Variants in KCNIP1 observed in about 807,000 individuals in gnomAD.
KCNIP1 encodes potassium voltage-gated channel interacting protein 1.
In KCNIP1, 18 loss-of-function variants were observed where a neutral mutation model predicts 33.0. That is an observed-to-expected ratio of 0.55 (90% confidence interval 0.38 to 0.81). The LOEUF is 0.81. KCNIP1 is among the 30% of genes least tolerant of loss of function. The pLI is 0.00. For missense variants in KCNIP1, 238 were observed against 271.6 expected (o/e 0.88, Z 0.87); for synonymous variants, 93 against 98.3 (o/e 0.95, Z 0.32).
intron 1 of KCNIP1, among the ~76,000 whole-genome samples, chr5:170,480,336 C>G (rs1756949874): frequency 6.6e-6 from 1 of 152,002 alleles, no homozygotes; most frequent in African/African-American, 2.4e-5. Context: ...TTATTTGAAA[C>G]TGATAAAGTG....
intron 1 of KCNIP1, among the ~76,000 whole-genome samples, chr5:170,615,282 A>G (rs1365820317): frequency 6.6e-6 from 1 of 152,134 alleles, no homozygotes; most frequent in Non-Finnish European, 1.5e-5. Flanking sequence ...CTGGGCACGT[A>G]GCTACTGTGG....
chr5:170,675,205 G>C (rs1368243975), intron 1 of KCNIP1, among the ~76,000 whole-genome samples: 4 of 151,986 alleles, frequency 2.6e-5, no homozygotes, highest in Admixed American at 1.3e-4. Flanking sequence ...AGGCTAAGGT[G>C]GGGGGATCAC....
intron 1 of KCNIP1, among the ~76,000 whole-genome samples, chr5:170,449,860 C>T (rs544551414): frequency 6.6e-6 from 1 of 152,168 alleles, no homozygotes; most frequent in Non-Finnish European, 1.5e-5. Flanking sequence ...GGGGTCTCTA[C>T]TTGTAGGAGT....
chr5:170,449,310 C>G (rs1756190781), intron 1 of KCNIP1, among the ~76,000 whole-genome samples: 1 of 152,234 alleles, frequency 6.6e-6, no homozygotes, highest in Admixed American at 6.5e-5. Flanking sequence ...CTTCTAAGCT[C>G]TTTGTCCCAA....
At chr5:170,612,861 C>A (rs1486239506) in intron 1 of KCNIP1, among the ~76,000 whole-genome samples, 1 of 152,108 alleles carries the variant, frequency 6.6e-6, no homozygotes, top group Non-Finnish European at 1.5e-5. Flanking sequence ...GACTCCTCAC[C>A]CCCTCCCAAG....
At chr5:170,623,038 G>C (rs533544245) in intron 1 of KCNIP1, among the ~76,000 whole-genome samples, 1 of 152,156 alleles carries the variant, frequency 6.6e-6, no homozygotes, top group Non-Finnish European at 1.5e-5. Context: ...TAGATCCTTC[G>C]CATGCGCAGT....
intron 1 of KCNIP1, among the ~76,000 whole-genome samples, chr5:170,567,374 G>A (rs889426655): frequency 5.9e-5 from 9 of 152,314 alleles, no homozygotes; most frequent in Non-Finnish European, 1.2e-4. Flanking sequence ...CAGGAGGTGA[G>A]GAGGTCAGAA....
chr5:170,607,260 G>A (rs184520343), intron 1 of KCNIP1, among the ~76,000 whole-genome samples: 3 of 152,330 alleles, frequency 2.0e-5, no homozygotes, highest in South Asian at 2.1e-4. Context: ...TCTCAGGGGT[G>A]TAGTGGGATG....
chr5:170,617,321 G>T (rs1054084454), intron 1 of KCNIP1, among the ~76,000 whole-genome samples: 1 of 151,940 alleles, frequency 6.6e-6, no homozygotes, highest in African/African-American at 2.4e-5. Context: ...AGACAAAAAG[G>T]CCGGATAAGC....
intron 1 of KCNIP1, chr5:170,420,657 T>A (rs533865603): frequency 6.6e-6 from 1 of 152,364 alleles, no homozygotes; most frequent in Non-Finnish European, 1.5e-5. Flanking sequence ...GAGTTAAGTT[T>A]CTGGGGAATC....
chr5:170,518,674 G>A (rs1274568772), intron 1 of KCNIP1, among the ~76,000 whole-genome samples: 1 of 152,224 alleles, frequency 6.6e-6, no homozygotes, highest in African/African-American at 2.4e-5. Flanking sequence ...TAACCTGGCA[G>A]GTTGGGAAGA....
At chr5:170,501,435 A>T (rs944529274), upstream of KCNIP1, among the ~76,000 whole-genome samples, 2 of 152,212 alleles carry the variant, frequency 1.3e-5, no homozygotes, top group African/African-American at 4.8e-5. Flanking sequence ...CAGGCCACAA[A>T]AAAGACCTCA....
At chr5:170,366,012 C>T (rs1441215437) in intron 1 of KCNIP1, among the ~76,000 whole-genome samples, 1 of 152,198 alleles carries the variant, frequency 6.6e-6, no homozygotes, top group Non-Finnish European at 1.5e-5. Flanking sequence ...TGGGAAACGG[C>T]TGAGTGACTG....
intron 1 of KCNIP1, chr5:170,678,283 A>G (rs562024151): frequency 6.6e-6 from 1 of 152,376 alleles, no homozygotes; most frequent in South Asian, 2.1e-4. Context: ...TTGGGTTGTC[A>G]CGCAGACACC....
At chr5:170,601,011 T>C (rs1285900029) in intron 1 of KCNIP1, among the ~76,000 whole-genome samples, 1 of 152,226 alleles carries the variant, frequency 6.6e-6, no homozygotes, top group Non-Finnish European at 1.5e-5. Context: ...TGTGTGACCT[T>C]GAACAAGTCA....
intron 1 of KCNIP1, among the ~76,000 whole-genome samples, chr5:170,673,633 A>G (rs771241323): frequency 9.2e-5 from 14 of 152,184 alleles, no homozygotes; most frequent in Non-Finnish European, 1.9e-4. Flanking sequence ...AAGATTTGAG[A>G]AGACATGTGT....
intron 1 of KCNIP1, among the ~76,000 whole-genome samples, chr5:170,584,882 A>AT (rs1349543121): frequency 6.6e-6 from 1 of 152,284 alleles, no homozygotes; most frequent in South Asian, 2.1e-4. Context: ...AAGAGAAGAA[A>AT]TCCACAGCCC....
intron 1 of KCNIP1, among the ~76,000 whole-genome samples, chr5:170,655,976 T>C (rs1761249357): frequency 6.6e-6 from 1 of 152,136 alleles, no homozygotes; most frequent in Non-Finnish European, 1.5e-5. Flanking sequence ...AGTATGAGGT[T>C]GAGGTGGGGG....
chr5:170,452,050 G>A (rs781228848), intron 1 of KCNIP1, among the ~76,000 whole-genome samples: 3 of 152,074 alleles, frequency 2.0e-5, no homozygotes, highest in Non-Finnish European at 1.5e-5. Flanking sequence ...GGACACCCCT[G>A]TGACTCCGTC....
Sources: allele counts gnomAD v4.1 joint callset (sites outside exome capture counted in the v4.1 genomes callset), GRCh38; gene constraint gnomAD v4.1.1; transcripts MANE v1.5; gene names NCBI Gene and HGNC (gene_info 2026-07-23, HGNC 2026-07-21).